SLC22A3: variants seen among roughly 807,000 people sequenced by gnomAD.
SLC22A3 encodes the protein EMT organic cation transporter 3.
In SLC22A3, 51 loss-of-function variants were observed where a neutral mutation model predicts 59.1. The ratio of observed to expected loss-of-function variants is 0.86; its 90% CI spans 0.69 to 1.09. The LOEUF is 1.09. Ranked by LOEUF, SLC22A3 falls within the 50% of genes least tolerant of loss-of-function variation. The probability of loss-of-function intolerance (pLI) is 0.00; values close to 1 mark genes in which losing one functional copy is unlikely to be tolerated. For synonymous variants in SLC22A3, 325 were observed against 292.0 expected (o/e 1.11, Z -1.15); for missense variants, 711 against 726.3 (o/e 0.98, Z 0.24).
intron 1 of SLC22A3, among the ~76,000 whole-genome samples, chr6:160,386,617 A>G (rs1786027487): frequency 6.6e-6 from 1 of 152,198 alleles, no homozygotes; most frequent in Non-Finnish European, 1.5e-5. Flanking sequence ...TGGGCAGGAA[A>G]GTGGACACAT....
At chr6:160,444,527 C>T (rs938313623) in intron 9 of SLC22A3, among the ~76,000 whole-genome samples, 6 of 152,112 alleles carry the variant, frequency 3.9e-5, no homozygotes, top group Non-Finnish European at 7.4e-5. Context: ...CCAGGTCCCT[C>T]GAGTGCACCT....
Position 160,348,764 on chromosome 6 carries a change from C to T in SLC22A3, c.345C>T (p.Ala115=), listed in dbSNP as rs779150992. ...CTCTCAGCTGCGCGGACCCACTCGCCGCCTTCCCCAACCGCTCGGCTCCCC... is the reference window on the plus strand; with the variant it reads ...CTCTCAGCTGCGCGGACCCACTCGCTGCCTTCCCCAACCGCTCGGCTCCCC... The part of the protein sequence containing the change: ...TSALSCADPL[A]AFPNRSAPLV... Residue 115 remains alanine, a synonymous_variant, in exon 1 of 11, where the codon GCC becomes GCT. Transcript: ENST00000275300. 3.5e-4 allele frequency: 542 copies of T among 1,544,408 alleles called. No homozygotes were observed. Among genetic ancestry groups the T allele is most frequent in the Non-Finnish European group, 4.5e-4 (520 of 1,151,414 alleles).
Position 160,348,465 on chromosome 6 carries a change from C to A in SLC22A3, c.46C>A (p.Arg16Ser). 5 of 1,538,970 alleles carry A rather than the reference C, an allele frequency of 3.2e-6. No individual in the cohort carries two copies. The highest frequency in any genetic ancestry group is 4.4e-6 in the Non-Finnish European group (5 of 1,146,928). ...GCTGCAGCGGGTGGGCGAGTTCGGGCGCTTCCAGAGGCGCGTGTTTTTGCT... is the reference window on the plus strand; with the variant it reads ...GCTGCAGCGGGTGGGCGAGTTCGGGAGCTTCCAGAGGCGCGTGTTTTTGCT... ...EALQRVGEFG[R>S]FQRRVFLLLC... The change falls in exon 1 of 11, where the codon CGC becomes AGC. Residue 16 changes from arginine (R) to serine (S), a missense_variant. Physicochemically the swap from Arg to Ser is moderately radical, Grantham distance 110. Transcript: ENST00000275300.
intron 5 of SLC22A3, among the ~76,000 whole-genome samples, chr6:160,413,956 C>T (rs1395668387): frequency 1.3e-5 from 2 of 151,984 alleles, no homozygotes; most frequent in Non-Finnish European, 2.9e-5. Flanking sequence ...CATTTCATTC[C>T]AACTTTGGGA....
At chr6:160,428,304 T>A (rs1788037128) in intron 5 of SLC22A3, among the ~76,000 whole-genome samples, 1 of 152,156 alleles carries the variant, frequency 6.6e-6, no homozygotes, top group African/African-American at 2.4e-5. Context: ...ACTGGGGCAC[T>A]CTTTCAGGCC....
At chr6:160,408,463 CAG>C (rs1281615127) in intron 3 of SLC22A3, among the ~76,000 whole-genome samples, 1 of 152,206 alleles carries the variant, frequency 6.6e-6, no homozygotes, top group African/African-American at 2.4e-5. Flanking sequence ...AAAACCAACA[CAG>C]ATATTCTTCG....
At chr6:160,447,679 T>G (rs1788795636) in intron 9 of SLC22A3, 40 bp from the exon 10 acceptor site, 1 of 1,566,388 alleles carries the variant, frequency 6.4e-7, no homozygotes, top group African/African-American at 1.4e-5. Context: ...GGCCCAGCTG[T>G]GTCTTCCTGG....
intron 2 of SLC22A3, among the ~76,000 whole-genome samples, chr6:160,404,463 A>G (rs180864418): frequency 1.3e-5 from 2 of 152,258 alleles, no homozygotes; most frequent in East Asian, 3.9e-4. Context: ...AAATGGAGAG[A>G]TATTCAACAT....
chr6:160,377,489 A>G (rs1263980608), intron 1 of SLC22A3, among the ~76,000 whole-genome samples: 6 of 152,012 alleles, frequency 3.9e-5, no homozygotes, highest in African/African-American at 1.2e-4. Context: ...CAAAAAAAAA[A>G]AAAGAAAGAA....
rs668871 is a variant in SLC22A3 at position 160,348,779 on chromosome 6, C to G, written c.360C>G (p.Arg120=). Reference sequence around the variant, plus strand: ...ACCCACTCGCCGCCTTCCCCAACCGCTCGGCTCCCCTTGTGCCGTGCCGCG... The same window carrying G: ...ACCCACTCGCCGCCTTCCCCAACCGGTCGGCTCCCCTTGTGCCGTGCCGCG... The part of the protein sequence containing the change: ...CADPLAAFPN[R]SAPLVPCRGG... The change falls in exon 1 of 11, where the codon CGC becomes CGG. Residue 120 remains arginine, a synonymous_variant. Coordinates refer to ENST00000275300, the MANE Select transcript of SLC22A3 (RefSeq NM_021977.4). 1 of 1,556,564 alleles carries G rather than the reference C, an allele frequency of 6.4e-7. No homozygotes were observed. Among genetic ancestry groups the G allele is most frequent in the South Asian group, 1.2e-5 (1 of 85,328 alleles).
intron 1 of SLC22A3, among the ~76,000 whole-genome samples, chr6:160,380,594 A>G (rs759444035): frequency 6.6e-6 from 1 of 152,250 alleles, no homozygotes; most frequent in Admixed American, 6.5e-5. Context: ...AAAAATATGC[A>G]TATCAGTGTG....
Position 160,391,501 on chromosome 6 carries a change from A to T in SLC22A3, c.430-6478A>T, listed in dbSNP as rs368174605. Among the ~76,000 whole-genome samples, 11 of 152,296 alleles carry T rather than the reference A, an allele frequency of 7.2e-5. No homozygotes were observed. In the East Asian group the frequency reaches 1.3e-3, roughly 19 times the overall value. On this transcript the variant is annotated intron_variant, in intron 1 of 10. Transcript: ENST00000275300. ...TCATCATTCCAGTTCTTCATCTTACAGATAGGAACACAAGAGTCAACAATG... is the reference window on the plus strand; with the variant it reads ...TCATCATTCCAGTTCTTCATCTTACTGATAGGAACACAAGAGTCAACAATG...
At chr6:160,353,337 A>T (rs1393917110) in intron 1 of SLC22A3, among the ~76,000 whole-genome samples, 1 of 152,234 alleles carries the variant, frequency 6.6e-6, no homozygotes, top group Non-Finnish European at 1.5e-5. Context: ...TATCAACATC[A>T]GTTCAGCTGA....
chr6:160,423,504 ACTT>A (rs1787832393), intron 5 of SLC22A3, among the ~76,000 whole-genome samples: 1 of 1,806 alleles, frequency 5.5e-4, no homozygotes, highest in South Asian at 9.1e-3. Flanking sequence ...TTGTTTCCTG[ACTT>A]ATTTTTAATG....
intron 2 of SLC22A3, among the ~76,000 whole-genome samples, chr6:160,405,983 G>T (rs1395187009): frequency 6.6e-6 from 1 of 152,112 alleles, no homozygotes; most frequent in South Asian, 2.1e-4. Flanking sequence ...TATTCTGTTA[G>T]ATACTTTAAT....
chr6:160,437,109 T>C lies in SLC22A3; in HGVS notation c.1186T>C (p.Leu396=), dbSNP rs1246231907. 8 of 1,614,182 alleles carry C rather than the reference T, an allele frequency of 5.0e-6. No homozygotes were observed. The highest frequency in any genetic ancestry group is 2.7e-5 in the African/African-American group (2 of 75,058). Residue 396 remains leucine (L), a synonymous_variant, in exon 7 of 11, where the codon TTG becomes CTG. Transcript: ENST00000275300. ...CGTGGTGGAACTGCCAGGAGCTCTC[T>C]TGATCTTACTAACCATTGAGCGCCT... The part of the protein sequence containing the change: ...SGVVELPGAL[L]ILLTIERLGR...
chr6:160,407,256 C>T, intron 3 of SLC22A3, 61 bp downstream of exon 3: 1 of 1,507,584 alleles, frequency 6.6e-7, no homozygotes, highest in Non-Finnish European at 9.0e-7. Flanking sequence ...CCAACAAATG[C>T]TAGTTAATCA....
At chr6:160,355,303 C>T (rs1784792200) in intron 1 of SLC22A3, among the ~76,000 whole-genome samples, 2 of 152,142 alleles carry the variant, frequency 1.3e-5, no homozygotes, top group Admixed American at 6.5e-5. Flanking sequence ...AGGTCTGGTA[C>T]ACAAGGTCTC....
At chr6:160,438,708 A>C (rs1455689896) in intron 7 of SLC22A3, among the ~76,000 whole-genome samples, 1 of 152,074 alleles carries the variant, frequency 6.6e-6, no homozygotes, top group East Asian at 1.9e-4. Context: ...CCTTGAGTGC[A>C]TTCGCTTCCC....
Sources: allele counts gnomAD v4.1 joint callset (sites outside exome capture counted in the v4.1 genomes callset), GRCh38; gene constraint gnomAD v4.1.1; transcripts MANE v1.5; gene names NCBI Gene and HGNC (gene_info 2026-07-23, HGNC 2026-07-21).